ANKRD11: variants seen among roughly 807,000 people sequenced by gnomAD.
The protein encoded by ANKRD11 is ankyrin repeat domain 11.
Under a neutral mutation model 195.7 loss-of-function variants are expected in ANKRD11, and 17 were observed. The ratio of observed to expected loss-of-function variants is 0.09; its 90% confidence interval spans 0.06 to 0.13. ANKRD11 has a LOEUF of 0.13. ANKRD11 is among the 10% of genes least tolerant of loss of function. The pLI, the probability that ANKRD11 is intolerant of heterozygous loss-of-function variation, is 1.00. For missense variants in ANKRD11, 3,735 were observed against 3,566.1 expected, an observed-to-expected ratio of 1.05 and a Z score of -1.21; for synonymous variants, 1,953 against 1,528.1, an observed-to-expected ratio of 1.28 and a Z score of -6.49.
chr16:89,278,157 ACGCCACACGCT>A, intron 9 of ANKRD11: 1 of 284,784 alleles, frequency 3.5e-6, no homozygotes, highest in Admixed American at 4.9e-5. Context: ...AAGAGCCAGA[ACGCCACACGCT>A]GGGGCTGGAT....
At chr16:89,396,318 T>C (rs544032094) in intron 2 of ANKRD11, among the ~76,000 whole-genome samples, 1 of 152,088 alleles carries the variant, frequency 6.6e-6, no homozygotes, top group Non-Finnish European at 1.5e-5. Flanking sequence ...TGTGCTGACC[T>C]GGGTCACCTC....
intron 2 of ANKRD11, among the ~76,000 whole-genome samples, chr16:89,329,906 T>C (rs934456735): frequency 6.6e-6 from 1 of 151,958 alleles, no homozygotes; most frequent in African/African-American, 2.4e-5. Context: ...CTTGGGAGGC[T>C]GAGGCACTGG....
At position 89,429,270 on chromosome 16, in the gene ANKRD11, A is replaced by G. The variant is rs59291907; in HGVS notation, c.-144-10902T>C. ...TACACAGCAGGGACTCTCAACTCTCACGCTCAGACGTTCTAGTACACAGCA... is the reference window on the plus strand; with the variant it reads ...TACACAGCAGGGACTCTCAACTCTCGCGCTCAGACGTTCTAGTACACAGCA... On this transcript the variant is annotated intron_variant, in intron 1 of 12. Coordinates refer to ENST00000301030, the MANE Select transcript of ANKRD11 (RefSeq NM_013275.6). 1.1e-3 allele frequency among the ~76,000 whole-genome samples: 86 copies of G among 80,946 alleles called. 1 individual carries two copies. The highest frequency in any genetic ancestry group is 0.01 in the Middle Eastern group (1 of 98). The allele number at this position is 80,946 out of a possible 152,430, so 53.1% of individuals were successfully genotyped here.
At chr16:89,412,728 C>T (rs994115167) in intron 2 of ANKRD11, among the ~76,000 whole-genome samples, 3 of 152,026 alleles carry the variant, frequency 2.0e-5, no homozygotes, top group Non-Finnish European at 2.9e-5. Flanking sequence ...TCCCTTAAGC[C>T]AGCTGTAAAA....
At chr16:89,391,762 T>G (rs1394678085) in intron 2 of ANKRD11, among the ~76,000 whole-genome samples, 1 of 152,140 alleles carries the variant, frequency 6.6e-6, no homozygotes, top group African/African-American at 2.4e-5. Flanking sequence ...TTCAAAGACT[T>G]TCCTCCCCAT....
At chr16:89,271,108 T>A in intron 11 of ANKRD11, 199 bp from the exon 12 acceptor site, 1 of 629,522 alleles carries the variant, frequency 1.6e-6, no homozygotes, top group East Asian at 2.9e-5. Context: ...CTCCCTAAAA[T>A]GCGCGTGGAG....
chr16:89,279,798 C>T lies in ANKRD11; in HGVS notation c.6744G>A (p.Gln2248=), dbSNP rs1027326983. 2 of 1,539,168 alleles carry T rather than the reference C, an allele frequency of 1.3e-6. No individual in the cohort carries two copies. Among genetic ancestry groups the T allele is most frequent in the Non-Finnish European group, 1.7e-6 (2 of 1,146,456 alleles). Residue 2248 remains glutamine (Q), a synonymous_variant, in exon 9 of 13, where the codon CAG becomes CAA. Transcript: ENST00000301030. The surrounding 1 kb of genome is among the most constrained non-coding windows in gnomAD (Gnocchi z 5.6). The part of the protein sequence containing the change: ...SVEPAPVPPE[Q]RPLGSGDQGA... The stretch of plus-strand genomic sequence containing the variant: ...CCTGGTCTCCGCTCCCCAGTGGGCG[C>T]TGTTCTGGGGGAACGGGCGCGGGCT...
At chr16:89,302,073 T>C (rs1291988010) in intron 4 of ANKRD11, among the ~76,000 whole-genome samples, 1 of 152,150 alleles carries the variant, frequency 6.6e-6, no homozygotes, top group African/African-American at 2.4e-5. Context: ...ACGTGTCAGT[T>C]AACCCTGCAC....
rs189891188 is a variant in ANKRD11 at position 89,346,142 on chromosome 16, G to A, written c.-59-29064C>T. 9.1e-3 allele frequency among the ~76,000 whole-genome samples: 1,372 copies of A among 151,598 alleles called. 24 individuals are homozygous for A. Among genetic ancestry groups the A allele is most frequent in the African/African-American group, 0.031 (1,299 of 41,304 alleles). The stretch of plus-strand genomic sequence containing the variant: ...CGGGCGCTTGTAATCCCAGCTACTC[G>A]GGAGGCTGAGGCAGGAGAATCCCTT... On this transcript the variant is annotated intron_variant, in intron 2 of 12. Transcript: ENST00000301030.
chr16:89,463,465 G>A (rs181706932), intron 1 of ANKRD11, among the ~76,000 whole-genome samples: 17 of 152,300 alleles, frequency 1.1e-4, no homozygotes, highest in African/African-American at 3.6e-4. Flanking sequence ...ACAGACGGTT[G>A]AAGGCAGCAT....
At chr16:89,396,430 A>G (rs1004189786) in intron 2 of ANKRD11, among the ~76,000 whole-genome samples, 1 of 152,132 alleles carries the variant, frequency 6.6e-6, no homozygotes, top group African/African-American at 2.4e-5. Flanking sequence ...GCTGCTGGAA[A>G]CGCTCACAGC....
chr16:89,298,878 T>C (rs3096294), intron 4 of ANKRD11: 2 of 152,038 alleles, frequency 1.3e-5, no homozygotes, highest in African/African-American at 4.8e-5. Flanking sequence ...TTCTTAATCA[T>C]GTGAAAATAT....
rs148501903 is a variant in ANKRD11 at position 89,282,281 on chromosome 16, C to G, written c.4261G>C (p.Glu1421Gln). ...TCTTTCTTTTCGGTAGAAAACAATT[C>G]AATGGTTTTATCTAGCTCATCTTCT... ...DIEDELDKTI[E>Q]LFSTEKKDKN... Residue 1421 changes from glutamate (E) to glutamine (Q), a missense_variant, in exon 9 of 13, where the codon GAA (glutamate) becomes CAA (glutamine). Glu to Gln is a conservative substitution (Grantham distance 29, BLOSUM62 2). Transcript: ENST00000301030. The G allele has an allele frequency of 6.2e-7, 1 of 1,614,086 alleles. No homozygotes were observed. Among genetic ancestry groups the G allele is most frequent in the Non-Finnish European group, 8.5e-7 (1 of 1,180,038 alleles).
chr16:89,389,924 C>T (rs2041103117), intron 2 of ANKRD11, among the ~76,000 whole-genome samples: 1 of 95,064 alleles, frequency 1.1e-5, no homozygotes, highest in Non-Finnish European at 2.0e-5. Flanking sequence ...CTGGGGCGAA[C>T]ACCGAGTGTG....
At chr16:89,346,518 T>C (rs555794103) in intron 2 of ANKRD11, among the ~76,000 whole-genome samples, 92 of 152,286 alleles carry the variant, frequency 6.0e-4, no homozygotes, top group Non-Finnish European at 1.1e-3. Context: ...CACAGACAAC[T>C]ACACCACACG....
chr16:89,271,110 C>A (rs368390214), intron 11 of ANKRD11: 4 of 625,024 alleles, frequency 6.4e-6, no homozygotes, highest in Non-Finnish European at 1.2e-5. Flanking sequence ...CCCTAAAATG[C>A]GCGTGGAGGC....
chr16:89,297,260 C>A (rs1173779356), intron 4 of ANKRD11, among the ~76,000 whole-genome samples: 3 of 152,212 alleles, frequency 2.0e-5, no homozygotes, highest in Non-Finnish European at 4.4e-5. Flanking sequence ...TGTGCAACTC[C>A]TGCGTCCCAC....
At chr16:89,457,038 C>A (rs1322289662) in intron 1 of ANKRD11, among the ~76,000 whole-genome samples, 1 of 148,782 alleles carries the variant, frequency 6.7e-6, no homozygotes, top group Non-Finnish European at 1.5e-5. Context: ...CGGCTCACTG[C>A]AAGCTCCGCC....
At position 89,468,451 on chromosome 16, in the gene ANKRD11, TC is replaced by T. The variant is rs756892644; in HGVS notation, c.-145+21793del. On this transcript the variant is annotated intron_variant, in intron 1 of 12. Coordinates refer to ENST00000301030, the MANE Select transcript of ANKRD11 (RefSeq NM_013275.6). The stretch of plus-strand genomic sequence containing the variant: ...CAGGTGCAATGGCTCACACTTGTAA[TC>T]CCAGGACTTTGGGAGGCTGAGACAG... Among the ~76,000 whole-genome samples the T allele has an allele frequency of 3.9e-4, 59 of 152,258 alleles. 1 individual carries two copies. The highest frequency in any genetic ancestry group is 9.2e-4 in the Admixed American group (14 of 15,298).
Sources: gnomAD v4.1 joint callset for allele counts (sites outside exome capture counted in the v4.1 genomes callset) on GRCh38, gnomAD v4.1.1 for gene constraint, Gnocchi (gnomAD v3.1) non-coding constraint, MANE v1.5 for transcripts, NCBI Gene and HGNC (gene_info 2026-07-23, HGNC 2026-07-21) for gene names.